PAK1: variants seen among roughly 807,000 people sequenced by gnomAD.
PAK1 encodes the protein serine/threonine-protein kinase PAK 1.
PAK1 carries 29 observed loss-of-function variants against 67.4 expected under a neutral mutation model. The ratio of observed to expected loss-of-function variants is 0.43; its 90% CI spans 0.32 to 0.59. The LOEUF is 0.59. Among genes scored for constraint, PAK1 ranks in the 20% least tolerant of loss-of-function variants. The pLI is 0.07. For missense variants in PAK1, 337 were observed against 670.7 expected (o/e 0.50, Z 5.50); for synonymous variants, 223 against 237.4 (o/e 0.94, Z 0.56).
chr11:77,425,884 G>A (rs528205816), intron 1 of PAK1, among the ~76,000 whole-genome samples: 5 of 152,104 alleles, frequency 3.3e-5, no homozygotes, highest in South Asian at 4.2e-4. Flanking sequence ...CAGGGGGATC[G>A]CTTGAGCCCA....
chr11:77,528,345 A>G, the PAK1 span, among the ~76,000 whole-genome samples: 1 of 150,678 alleles, frequency 6.6e-6, no homozygotes, highest in East Asian at 2.0e-4. Context: ...TTTTGTTTGT[A>G]TGTGTTACAT....
intron 1 of PAK1, among the ~76,000 whole-genome samples, chr11:77,461,857 G>T (rs11820118): frequency 6.6e-6 from 1 of 152,086 alleles, no homozygotes; most frequent in Non-Finnish European, 1.5e-5. Context: ...AGAAAACTGC[G>T]AATTTTGAAA....
intron 1 of PAK1, among the ~76,000 whole-genome samples, chr11:77,399,132 T>C (rs1168294609): frequency 6.6e-6 from 1 of 152,208 alleles, no homozygotes; most frequent in Admixed American, 6.5e-5. Context: ...AGGTGCTATG[T>C]ATGCTAGAAA....
chr11:77,459,186 C>T (rs753176724), intron 1 of PAK1, among the ~76,000 whole-genome samples: 2 of 152,134 alleles, frequency 1.3e-5, no homozygotes, highest in Non-Finnish European at 2.9e-5. Flanking sequence ...CCCTGAATAA[C>T]TAATTTACAT....
intron 1 of PAK1, among the ~76,000 whole-genome samples, chr11:77,394,223 G>A (rs77467964): frequency 0.011 from 1,629 of 152,168 alleles, 27 homozygotes; most frequent in African/African-American, 0.037. Context: ...CAGTGCTTTA[G>A]AGAATAATGG....
At chr11:77,330,911 T>G (rs1324636668) in intron 14 of PAK1, among the ~76,000 whole-genome samples, 1 of 152,108 alleles carries the variant, frequency 6.6e-6, no homozygotes, top group African/African-American at 2.4e-5. Context: ...ATATCCAGAA[T>G]CTACAACGAA....
chr11:77,392,491 G>A lies in PAK1; in HGVS notation c.30C>T (p.Asp10=), dbSNP rs150830172. 6.2e-7 allele frequency: 1 copy of A among 1,611,908 alleles called. No individual in the cohort carries two copies. Among genetic ancestry groups the A allele is most frequent in the African/African-American group, 1.3e-5 (1 of 74,954 alleles). ...TTCTCATCGGAGGGGCTGGGGGTTTGTCTTGAATGTCTAGGCCGTTATTTG... is the reference window on the plus strand; with the variant it reads ...TTCTCATCGGAGGGGCTGGGGGTTTATCTTGAATGTCTAGGCCGTTATTTG... MSNNGLDIQ[D]KPPAPPMRNT... The change falls in exon 2 of 15, where the codon GAC becomes GAT. Residue 10 remains aspartate, a synonymous_variant. Transcript: ENST00000356341.
rs1278262377 is a variant in PAK1 at position 77,322,358 on chromosome 11, G to A, written c.*916C>T. The A allele has an allele frequency of 6.1e-5, 12 of 195,700 alleles. No homozygotes were observed. The East Asian group carries it at 9.6e-4, about 16-fold the overall frequency. The allele number at this position is 195,700 out of a possible 1,614,324, so 12.1% of individuals were successfully genotyped here. On this transcript the variant is annotated 3_prime_UTR_variant, in exon 15 of 15. Coordinates refer to ENST00000356341, the MANE Select transcript of PAK1 (RefSeq NM_002576.5). ...ACTCTTTATTGTGACCAAAAGATTT[G>A]GACCATTAGAAGATCCAAGTTAATC...
chr11:77,507,766 T>A, the PAK1 span, among the ~76,000 whole-genome samples: 1 of 152,104 alleles, frequency 6.6e-6, no homozygotes, highest in Non-Finnish European at 1.5e-5. Flanking sequence ...CCTCAAGCAA[T>A]CCTCTCACCT....
rs11237182 is a variant in PAK1 at position 77,431,305 on chromosome 11, T to C, written c.-21-38764A>G. Among the ~76,000 whole-genome samples, 1,517 of 152,352 alleles carry C rather than the reference T, an allele frequency of 1.0e-2. 9 individuals are homozygous for C. Among genetic ancestry groups the C allele is most frequent in the Non-Finnish European group, 0.015 (988 of 68,044 alleles). The stretch of plus-strand genomic sequence containing the variant: ...AATAACCAATATATAAAGCTTTGTA[T>C]GCATCTAGGATATAATTTATGTCTC... On this transcript the variant is annotated intron_variant, in intron 1 of 14. Transcript: ENST00000356341.
At chr11:77,460,499 A>C (rs1374077760) in intron 1 of PAK1, among the ~76,000 whole-genome samples, 1 of 152,000 alleles carries the variant, frequency 6.6e-6, no homozygotes, top group Non-Finnish European at 1.5e-5. Context: ...ACTAGCTTTG[A>C]AGGAAAGCAG....
chr11:77,414,195 T>G (rs552890155), intron 1 of PAK1, among the ~76,000 whole-genome samples: 1 of 152,218 alleles, frequency 6.6e-6, no homozygotes, highest in Non-Finnish European at 1.5e-5. Context: ...CTTTTTCTCT[T>G]CTCCAAGATA....
chr11:77,505,243 A>G, the PAK1 span, among the ~76,000 whole-genome samples: 1 of 151,238 alleles, frequency 6.6e-6, no homozygotes, highest in Admixed American at 6.6e-5. Flanking sequence ...GCTGGAGCGC[A>G]GTGGTGCAAT....
chr11:77,429,056 T>TAAAAAAAAAAAAAAAAAAAAAAAAAAAAA lies in PAK1; in HGVS notation c.-21-36544_-21-36516dup, dbSNP rs566874549. 4.7e-4 allele frequency among the ~76,000 whole-genome samples: 23 copies of TAAAAAAAAAAAAAAAAAAAAAAAAAAAAA among 48,992 alleles called. 4 individuals carry two copies. The highest frequency in any genetic ancestry group is 1.2e-3 in the Admixed American group (4 of 3,420). 32.1% of individuals were successfully genotyped at this position (48,992 alleles called of 152,430 possible). A position where few individuals can be genotyped will look rare whatever the true frequency, so the allele number is the denominator to read the frequency against. ...TTGGATTCTAAATGCCATTTAATACTAAAAAAAAAAAAAAAAAAAAAAAAA... is the reference window on the plus strand; with the variant it reads ...TTGGATTCTAAATGCCATTTAATACTAAAAAAAAAAAAAAAAAAAAAAAAAAAAAAAAAAAAAAAAAAAAAAAAAAAAAA... On this transcript the variant is annotated intron_variant, in intron 1 of 14. Coordinates refer to ENST00000356341, the MANE Select transcript of PAK1 (RefSeq NM_002576.5).
rs1459184766 is a variant in PAK1 at position 77,350,445 on chromosome 11, TCATTCAAAATAACTAAATC to T, written c.837-1177_837-1159del. ...GAAATAATGCTAGGAAAGTAATAAT[TCATTCAAAATAACTAAATC>T]CATTCAAAATAACTAAAACCCTCAT... On this transcript the variant is annotated intron_variant, in intron 8 of 14. Coordinates refer to ENST00000356341, the MANE Select transcript of PAK1 (RefSeq NM_002576.5). 3.3e-5 allele frequency among the ~76,000 whole-genome samples: 5 copies of T among 152,216 alleles called. 1 individual carries two copies. In the South Asian group the frequency reaches 6.2e-4, roughly 19 times the overall value.
At chr11:77,352,932 G>C (rs113336861) in intron 8 of PAK1, among the ~76,000 whole-genome samples, 1 of 152,104 alleles carries the variant, frequency 6.6e-6, no homozygotes, top group African/African-American at 2.4e-5. Flanking sequence ...TATCCCCTTT[G>C]TTAGGCAACA....
At chr11:77,405,045 GA>G (rs1274409370) in intron 1 of PAK1, among the ~76,000 whole-genome samples, 1 of 152,194 alleles carries the variant, frequency 6.6e-6, no homozygotes, top group Non-Finnish European at 1.5e-5. Context: ...GCTTCTCTGA[GA>G]AACAGTTACT....
At chr11:77,341,014 T>C (rs1943515700) in intron 10 of PAK1, among the ~76,000 whole-genome samples, 1 of 152,206 alleles carries the variant, frequency 6.6e-6, no homozygotes, top group African/African-American at 2.4e-5. Flanking sequence ...AACTAAGATC[T>C]CTAGCTTGAA....
intron 14 of PAK1, among the ~76,000 whole-genome samples, chr11:77,324,043 C>T (rs941369622): frequency 2.6e-5 from 4 of 152,272 alleles, no homozygotes; most frequent in Non-Finnish European, 5.9e-5. Context: ...GTAGCTTGGT[C>T]CTTTCCCAAA....
Sources: allele counts gnomAD v4.1 joint callset (sites outside exome capture counted in the v4.1 genomes callset), GRCh38; gene constraint gnomAD v4.1.1; transcripts MANE v1.5; gene names NCBI Gene and HGNC (gene_info 2026-07-23, HGNC 2026-07-21).